ADGRA3: variants seen among roughly 807,000 people sequenced by gnomAD.
ADGRA3 encodes adhesion G protein-coupled receptor A3.
A neutral mutation model predicts 119.8 loss-of-function variants in ADGRA3; 56 were observed. The observed-to-expected ratio is 0.47, with a 90% CI of 0.38 to 0.58. The LOEUF (loss-of-function observed/expected upper bound fraction) is 0.58, where lower values mean the gene tolerates loss of function less well. ADGRA3 is among the 20% of genes least tolerant of loss of function. ADGRA3 has a pLI of 0.00. For missense variants in ADGRA3, 1,516 were observed against 1,649.0 expected (o/e 0.92, Z 1.40); for synonymous variants, 607 against 623.8 (o/e 0.97, Z 0.40).
intron 1 of ADGRA3, among the ~76,000 whole-genome samples, chr4:22,514,861 G>C (rs966725314): frequency 4.6e-5 from 7 of 152,090 alleles, no homozygotes; most frequent in African/African-American, 1.4e-4. Context: ...GAGTTGGAAG[G>C]CTCAATAAAC....
In ADGRA3 at chr4:22,437,247, TAATA is replaced by T. The variant is rs200939619; in HGVS notation, c.1086-610_1086-607del. 9.7e-3 allele frequency among the ~76,000 whole-genome samples: 1,482 copies of T among 152,308 alleles called. 20 individuals carry two copies. Among genetic ancestry groups the T allele is most frequent in the African/African-American group, 0.034 (1,404 of 41,550 alleles). ...ACATAAAAGACTTATCCATTGGCAATAATAAATGTTGATTTCCATATATTGATGT... is the reference window on the plus strand; with the variant it reads ...ACATAAAAGACTTATCCATTGGCAATAATGTTGATTTCCATATATTGATGT... On this transcript the variant is annotated intron_variant, in intron 8 of 18. Coordinates refer to ENST00000334304, the MANE Select transcript of ADGRA3 (RefSeq NM_145290.4).
At chr4:22,491,313 A>G (rs891016619) in intron 1 of ADGRA3, among the ~76,000 whole-genome samples, 2 of 152,242 alleles carry the variant, frequency 1.3e-5, no homozygotes, top group African/African-American at 4.8e-5. Flanking sequence ...CAAGATCCAT[A>G]ATATGATGTA....
At chr4:22,444,559 C>T (rs777365826) in intron 6 of ADGRA3, among the ~76,000 whole-genome samples, 22 of 152,100 alleles carry the variant, frequency 1.4e-4, no homozygotes, top group Admixed American at 3.3e-4. Context: ...CCACCGCGCC[C>T]TGCCTGTATC....
chr4:22,479,088 G>T (rs1718155982), intron 1 of ADGRA3, among the ~76,000 whole-genome samples: 1 of 151,910 alleles, frequency 6.6e-6, no homozygotes, highest in Non-Finnish European at 1.5e-5. Context: ...ATGAAAAAAA[G>T]CTCATCATCA....
intron 17 of ADGRA3, among the ~76,000 whole-genome samples, chr4:22,390,414 ATATATATATAATACGTAT>A (rs1560292400): frequency 0.049 from 4,317 of 87,540 alleles, 583 homozygotes; most frequent in African/African-American, 0.23. Context: ...AATACGTATT[ATATATATATAATACGTAT>A]TATATATATA....
At chr4:22,436,416 TA>T in intron 9 of ADGRA3, 23 bp downstream of exon 9, 1 of 1,579,986 alleles carries the variant, frequency 6.3e-7, no homozygotes, top group East Asian at 2.2e-5. Context: ...ACAACCCAAG[TA>T]AACATGAAGA....
chr4:22,401,278 T>C (rs192475095), intron 16 of ADGRA3, among the ~76,000 whole-genome samples, 153 bp downstream of exon 16: 10 of 152,136 alleles, frequency 6.6e-5, no homozygotes, highest in Non-Finnish European at 1.5e-4. Context: ...AAACAGGAAG[T>C]AAACTGGCAG....
Position 22,515,550 on chromosome 4 carries a change from G to C in ADGRA3, c.235C>G (p.Leu79Val). The C allele has an allele frequency of 6.2e-7, 1 of 1,606,000 alleles. No individual in the cohort carries two copies. The highest frequency in any genetic ancestry group is 8.5e-7 in the Non-Finnish European group (1 of 1,176,306). The change falls in exon 1 of 19, where the codon CTG becomes GTG. Residue 79 changes from leucine (L) to valine (V), a missense_variant. Around this residue, in one of 2 missense-constraint regions of ADGRA3, gnomAD observed 428 missense variants for 541.9 expected, o/e 0.79. Transcript: ENST00000334304. Reference protein sequence around the residue: ...ELAQVLPPDTLPNRTVTLILS... With the variant: ...ELAQVLPPDTVPNRTVTLILS... ...CACAGGGTGACCGTGCGGTTGGGCA[G>C]AGTATCTGGGGGCAGGACCTGCGCG...
chr4:22,450,619 A>G (rs1468009530), intron 4 of ADGRA3, among the ~76,000 whole-genome samples: 2 of 152,148 alleles, frequency 1.3e-5, no homozygotes, highest in African/African-American at 2.4e-5. Context: ...TTTATGCTAA[A>G]TAGATAACAT....
intron 1 of ADGRA3, among the ~76,000 whole-genome samples, chr4:22,513,781 G>A (rs1719535006): frequency 6.9e-6 from 1 of 144,890 alleles, no homozygotes; most frequent in African/African-American, 2.6e-5. Flanking sequence ...CAAAGCCCTG[G>A]GATTACAGGT....
intron 13 of ADGRA3, 40 bp downstream of exon 13, chr4:22,413,561 T>C: frequency 1.3e-6 from 2 of 1,555,006 alleles, no homozygotes; most frequent in Non-Finnish European, 1.8e-6. Flanking sequence ...CAAGGCCTTA[T>C]TGTCCACTGA....
At chr4:22,495,248 G>A (rs1718769978) in intron 1 of ADGRA3, among the ~76,000 whole-genome samples, 1 of 151,890 alleles carries the variant, frequency 6.6e-6, no homozygotes. Context: ...GACAGCACAA[G>A]ACTTCTTCCC....
intron 2 of ADGRA3, among the ~76,000 whole-genome samples, chr4:22,472,023 G>GGTTCAT (rs1717873874): frequency 6.6e-6 from 1 of 152,064 alleles, no homozygotes; most frequent in Non-Finnish European, 1.5e-5. Flanking sequence ...TACTTTTTAT[G>GGTTCAT]GTGTGCATGA....
intron 9 of ADGRA3, 34 bp from the exon 10 acceptor site, chr4:22,435,500 A>G: frequency 2.6e-6 from 4 of 1,546,436 alleles, no homozygotes; most frequent in Non-Finnish European, 3.5e-6. Flanking sequence ...TCAACAAAAC[A>G]GTCATTAGCA....
At chr4:22,480,635 T>C (rs1348235230) in intron 1 of ADGRA3, among the ~76,000 whole-genome samples, 1 of 152,240 alleles carries the variant, frequency 6.6e-6, no homozygotes, top group East Asian at 1.9e-4. Context: ...ATACTTGCAC[T>C]TGTACAAAAT....
intron 4 of ADGRA3, 73 bp downstream of exon 4, chr4:22,454,793 A>T (rs544915169): frequency 1.8e-6 from 2 of 1,085,552 alleles, no homozygotes; most frequent in Non-Finnish European, 2.8e-6. Flanking sequence ...TTAAATACAT[A>T]AGTTTCATAC....
At chr4:22,401,228 G>A (rs1234781652) in intron 16 of ADGRA3, among the ~76,000 whole-genome samples, 1 of 152,158 alleles carries the variant, frequency 6.6e-6, no homozygotes, top group Non-Finnish European at 1.5e-5. Flanking sequence ...AAAGGGATGA[G>A]CTGTTTAAGT....
chr4:22,389,015 C>A, intron 18 of ADGRA3, 68 bp from the exon 19 acceptor site: 1 of 1,595,758 alleles, frequency 6.3e-7, no homozygotes, highest in Non-Finnish European at 8.6e-7. Context: ...AAATTGCAAT[C>A]ACCTGTAATG....
chr4:22,439,739 A>G (rs1716534996), intron 7 of ADGRA3, among the ~76,000 whole-genome samples: 2 of 152,222 alleles, frequency 1.3e-5, no homozygotes, highest in South Asian at 4.1e-4. Flanking sequence ...ATTCTACTTT[A>G]TAAGGCTTTA....
Sources: allele counts gnomAD v4.1 joint callset (sites outside exome capture counted in the v4.1 genomes callset), GRCh38; gene constraint gnomAD v4.1.1; regional missense constraint gnomAD v4.1.1; transcripts MANE v1.5; gene names NCBI Gene and HGNC (gene_info 2026-07-23, HGNC 2026-07-21).